Variants in ADAM12 observed in about 807,000 individuals in gnomAD.
ADAM12 encodes the protein ADAM metallopeptidase domain 12.
Under a neutral mutation model 106.4 loss-of-function variants are expected in ADAM12, and 70 were observed. The observed-to-expected ratio is 0.66, with a 90% CI of 0.54 to 0.80. ADAM12 has a LOEUF of 0.80. Ranked by LOEUF, ADAM12 falls within the 30% of genes least tolerant of loss-of-function variation. The probability of loss-of-function intolerance (pLI) is 0.00; values close to 1 mark genes in which losing one functional copy is unlikely to be tolerated. For synonymous variants in ADAM12, 420 were observed against 433.5 expected, an observed-to-expected ratio of 0.97 and a Z score of 0.39; for missense variants, 1,010 against 1,171.9, an observed-to-expected ratio of 0.86 and a Z score of 2.02.
chr10:126,369,140 TC>T lies in ADAM12; in HGVS notation c.88+18917del, dbSNP rs576473470. On this transcript the variant is annotated intron_variant, in intron 1 of 22. Transcript: ENST00000448723. ...ATGGTATTTTTTTTCAAAAAGACTT[TC>T]CAAATGTGAAAATTCATTTACATGA... 5.9e-5 allele frequency among the ~76,000 whole-genome samples: 9 copies of T among 152,310 alleles called. No homozygotes were observed. In the South Asian group the frequency reaches 1.9e-3, roughly 32 times the overall value.
At chr10:126,048,925 A>G (rs10901526) in intron 16 of ADAM12, among the ~76,000 whole-genome samples, 19,159 of 152,188 alleles carry the variant, frequency 0.13, 1,300 homozygotes, top group Middle Eastern at 0.28. Context: ...ACTCTGTGCT[A>G]AAAACCAAGC....
At chr10:126,062,314 G>C (rs1305921567) in intron 14 of ADAM12, among the ~76,000 whole-genome samples, 1 of 152,176 alleles carries the variant, frequency 6.6e-6, no homozygotes, top group African/African-American at 2.4e-5. Flanking sequence ...CCCAGCAAAG[G>C]CCTCCTGGTT....
At chr10:126,193,537 G>C (rs1046635572) in intron 3 of ADAM12, among the ~76,000 whole-genome samples, 1 of 152,170 alleles carries the variant, frequency 6.6e-6, no homozygotes. Flanking sequence ...ATGAAACCCA[G>C]AGAAGGGGTA....
intron 3 of ADAM12, among the ~76,000 whole-genome samples, chr10:126,275,889 T>G (rs1959228218): frequency 6.6e-6 from 1 of 152,202 alleles, no homozygotes. Context: ...AAAGTAAATA[T>G]CCTCTATAAT....
intron 3 of ADAM12, among the ~76,000 whole-genome samples, chr10:126,249,838 T>G (rs1050260423): frequency 6.6e-6 from 1 of 152,236 alleles, no homozygotes; most frequent in Admixed American, 6.5e-5. Flanking sequence ...CTTTGTTACA[T>G]GCATAAGACA....
chr10:126,340,728 T>G (rs1203995687), intron 1 of ADAM12, among the ~76,000 whole-genome samples: 2 of 151,758 alleles, frequency 1.3e-5, no homozygotes, highest in Non-Finnish European at 2.9e-5. Flanking sequence ...CTGTTTTTTT[T>G]TTTTTTTGAG....
chr10:126,305,031 G>T (rs1474295250), intron 2 of ADAM12, among the ~76,000 whole-genome samples: 1 of 152,042 alleles, frequency 6.6e-6, no homozygotes, highest in Non-Finnish European at 1.5e-5. Context: ...TTTCTGGCGG[G>T]AAAGTAAAAT....
chr10:126,025,448 G>A (rs1953851470), intron 21 of ADAM12, among the ~76,000 whole-genome samples: 1 of 140,814 alleles, frequency 7.1e-6, no homozygotes, highest in Non-Finnish European at 1.6e-5. Flanking sequence ...CTCGGAGCTT[G>A]AAGACTATCC....
At chr10:126,283,526 G>T (rs1036569199) in intron 2 of ADAM12, among the ~76,000 whole-genome samples, 2 of 152,206 alleles carry the variant, frequency 1.3e-5, no homozygotes, top group African/African-American at 2.4e-5. Flanking sequence ...GCTCACTGGG[G>T]TTTTCCTTTA....
rs117272848 is a variant in ADAM12 at position 126,044,621 on chromosome 10, C to A, written c.1995+1434G>T. 9.5e-4 allele frequency among the ~76,000 whole-genome samples: 144 copies of A among 152,300 alleles called. 1 individual carries two copies. In the East Asian group the frequency reaches 0.025, roughly 26 times the overall value. ...AGATATACAGTTTCATATTTTAAGG[C>A]AAAATAAAATGCGTAGAGTATATGT... On this transcript the variant is annotated intron_variant, in intron 17 of 22. Transcript: ENST00000448723.
At chr10:126,201,932 G>T (rs938472346) in intron 3 of ADAM12, among the ~76,000 whole-genome samples, 1 of 152,196 alleles carries the variant, frequency 6.6e-6, no homozygotes, top group Non-Finnish European at 1.5e-5. Flanking sequence ...GTTCAGCAAC[G>T]TTGTCGTTCA....
chr10:126,164,969 C>A (rs547452219), intron 3 of ADAM12, among the ~76,000 whole-genome samples: 2 of 152,318 alleles, frequency 1.3e-5, no homozygotes, highest in East Asian at 3.9e-4. Context: ...CTTTCAGAAC[C>A]TTGTCTTTGC....
At chr10:126,128,772 TGTG>T (rs1956251104) in intron 5 of ADAM12, among the ~76,000 whole-genome samples, 1 of 139,640 alleles carries the variant, frequency 7.2e-6, no homozygotes, top group Admixed American at 7.1e-5. Flanking sequence ...CGCCTGCCCA[TGTG>T]AGTGTGTGGT....
chr10:126,195,219 A>C (rs1217912442), intron 3 of ADAM12, among the ~76,000 whole-genome samples: 1 of 152,216 alleles, frequency 6.6e-6, no homozygotes, highest in Non-Finnish European at 1.5e-5. Flanking sequence ...CACATTCTGG[A>C]AAATTGCTAA....
intron 3 of ADAM12, among the ~76,000 whole-genome samples, chr10:126,248,162 C>T (rs899555852): frequency 6.6e-5 from 10 of 152,154 alleles, no homozygotes; most frequent in African/African-American, 2.4e-4. Context: ...AGTCATACCC[C>T]CTATGCATCA....
intron 2 of ADAM12, among the ~76,000 whole-genome samples, chr10:126,317,331 A>G (rs1853914262): frequency 6.6e-6 from 1 of 152,208 alleles, no homozygotes; most frequent in Admixed American, 6.5e-5. Context: ...CTGTGCTCTC[A>G]CCAACTCTGT....
At chr10:126,351,988 T>G (rs1013242436) in intron 1 of ADAM12, among the ~76,000 whole-genome samples, 1 of 152,146 alleles carries the variant, frequency 6.6e-6, no homozygotes, top group African/African-American at 2.4e-5. Flanking sequence ...TTCAGGGACT[T>G]CACTGAAGAC....
chr10:126,290,298 C>G (rs1258676500), intron 2 of ADAM12, among the ~76,000 whole-genome samples: 3 of 152,198 alleles, frequency 2.0e-5, no homozygotes, highest in Non-Finnish European at 1.5e-5. Flanking sequence ...AGAAGGAAGT[C>G]CTGTGGACAC....
intron 3 of ADAM12, among the ~76,000 whole-genome samples, chr10:126,181,430 T>C (rs1273242755): frequency 1.3e-5 from 2 of 152,296 alleles, no homozygotes; most frequent in East Asian, 1.9e-4. Context: ...AATAATTATA[T>C]TGATAGTTTT....
Sources: gnomAD v4.1 joint callset for allele counts (sites outside exome capture counted in the v4.1 genomes callset) on GRCh38, gnomAD v4.1.1 for gene constraint, MANE v1.5 for transcripts, NCBI Gene and HGNC (gene_info 2026-07-23, HGNC 2026-07-21) for gene names.